PCSK5: variants seen among roughly 807,000 people sequenced by gnomAD.
The protein encoded by PCSK5 is proprotein convertase subtilisin/kexin type 5, also known as prohormone convertase 5.
Under a neutral mutation model 233.2 loss-of-function variants are expected in PCSK5, and 129 were observed. That is an observed-to-expected ratio of 0.55 (90% CI 0.48 to 0.64). The LOEUF (loss-of-function observed/expected upper bound fraction) is 0.64. Ranked by LOEUF, PCSK5 falls within the 30% of genes least tolerant of loss-of-function variation. The pLI, the probability that PCSK5 is intolerant of heterozygous loss-of-function variation, is 0.00. For synonymous variants in PCSK5, 825 were observed against 879.2 expected (o/e 0.94, Z 1.09); for missense variants, 2,076 against 2,430.1 (o/e 0.85, Z 3.06).
chr9:76,320,465 C>CTTCTTTTTTTTTTTTT (rs1554720984), intron 30 of PCSK5, among the ~76,000 whole-genome samples: 3 of 102,022 alleles, frequency 2.9e-5, no homozygotes, highest in African/African-American at 7.7e-5. Context: ...TACATTGTAG[C>CTTCTTTTTTTTTTTTT]TTTTTTTTTT....
At chr9:76,225,375 G>A (rs961669710) in intron 20 of PCSK5, among the ~76,000 whole-genome samples, 3 of 152,170 alleles carry the variant, frequency 2.0e-5, no homozygotes, top group South Asian at 2.1e-4. Flanking sequence ...TCTAGAATAC[G>A]ATTTTTGTGA....
At chr9:76,109,543 A>T (rs1832120326) in intron 9 of PCSK5, among the ~76,000 whole-genome samples, 2 of 149,280 alleles carry the variant, frequency 1.3e-5, no homozygotes, top group Non-Finnish European at 3.0e-5. Context: ...TGCATAACAC[A>T]TTGAAAGACT....
At chr9:75,967,054 A>T (rs1379807870) in intron 2 of PCSK5, among the ~76,000 whole-genome samples, 1 of 135,664 alleles carries the variant, frequency 7.4e-6, no homozygotes, top group African/African-American at 2.7e-5. Flanking sequence ...CTGCAAATAC[A>T]GGGTAACATT....
intron 23 of PCSK5, 30 bp from the exon 24 acceptor site, chr9:76,240,586 G>A (rs932110038): frequency 7.5e-6 from 11 of 1,464,212 alleles, no homozygotes; most frequent in Middle Eastern, 1.7e-4. Context: ...ATGGAAATGA[G>A]TTGTGTTTTT....
At chr9:75,896,923 A>G (rs1448354812) in intron 1 of PCSK5, among the ~76,000 whole-genome samples, 5 of 152,230 alleles carry the variant, frequency 3.3e-5, no homozygotes, top group Non-Finnish European at 5.9e-5. Context: ...GGAACAATCA[A>G]TACCAATAAA....
At chr9:75,941,370 T>C (rs967896070) in intron 2 of PCSK5, among the ~76,000 whole-genome samples, 2 of 152,212 alleles carry the variant, frequency 1.3e-5, no homozygotes, top group Non-Finnish European at 2.9e-5. Flanking sequence ...TTCGGGTACG[T>C]ACCTGAGGCT....
intron 36 of PCSK5, among the ~76,000 whole-genome samples, chr9:76,351,591 G>T (rs13295859): frequency 0.024 from 1,485 of 61,082 alleles, 452 homozygotes; most frequent in Non-Finnish European, 0.052. Context: ...GAAGGAGAGA[G>T]AGAAAGAAAG....
intron 24 of PCSK5, among the ~76,000 whole-genome samples, chr9:76,240,965 A>G (rs914999309): frequency 1.1e-4 from 17 of 152,354 alleles, no homozygotes; most frequent in African/African-American, 3.8e-4. Context: ...GTTGGGGCTT[A>G]CTGACCAGCA....
intron 2 of PCSK5, among the ~76,000 whole-genome samples, chr9:75,963,415 C>T (rs984686673): frequency 3.9e-5 from 6 of 152,166 alleles, no homozygotes; most frequent in African/African-American, 1.2e-4. Context: ...AATTATAGAG[C>T]GGCATCTTCA....
chr9:76,329,397 C>T (rs1045474087), intron 33 of PCSK5, among the ~76,000 whole-genome samples: 1 of 151,904 alleles, frequency 6.6e-6, no homozygotes, highest in African/African-American at 2.4e-5. Flanking sequence ...TGGGCTCTAG[C>T]TATTCTCCTG....
chr9:76,183,967 C>A (rs1823986766), intron 16 of PCSK5, among the ~76,000 whole-genome samples: 1 of 152,126 alleles, frequency 6.6e-6, no homozygotes, highest in South Asian at 2.1e-4. Context: ...CAACTTTTTT[C>A]AATATGGACC....
chr9:75,931,437 A>G (rs1037485430), intron 1 of PCSK5, among the ~76,000 whole-genome samples: 1 of 152,186 alleles, frequency 6.6e-6, no homozygotes, highest in Non-Finnish European at 1.5e-5. Context: ...GGTCTTGGAA[A>G]TTAACTAGCC....
Position 76,297,941 on chromosome 9 carries a change from C to A in PCSK5, c.3523+1076C>A, listed in dbSNP as rs558959434. ...CGTGGAAAGCCCAGCAGCCAAAGGC[C>A]ACGGAGAACACGGGCCCTATTTCAG... is the stretch of plus-strand genomic sequence containing the variant. On this transcript the variant is annotated intron_variant, in intron 27 of 37. Transcript: ENST00000674117. 4.9e-3 allele frequency among the ~76,000 whole-genome samples: 743 copies of A among 152,180 alleles called. 2 individuals carry two copies. Among genetic ancestry groups the A allele is most frequent in the Non-Finnish European group, 7.5e-3 (512 of 67,996 alleles).
At chr9:76,054,811 TACTC>T (rs1474282296) in intron 5 of PCSK5, among the ~76,000 whole-genome samples, 2 of 152,162 alleles carry the variant, frequency 1.3e-5, no homozygotes, top group African/African-American at 4.8e-5. Context: ...TTACAGGCCT[TACTC>T]AGATTTCACT....
At chr9:76,047,075 A>G (rs887159519) in intron 5 of PCSK5, among the ~76,000 whole-genome samples, 3 of 151,564 alleles carry the variant, frequency 2.0e-5, no homozygotes, top group East Asian at 3.9e-4. Flanking sequence ...TGAGATCCTT[A>G]TTTGCATGGA....
At chr9:75,912,128 G>T (rs1822768317) in intron 1 of PCSK5, among the ~76,000 whole-genome samples, 1 of 151,844 alleles carries the variant, frequency 6.6e-6, no homozygotes, top group Non-Finnish European at 1.5e-5. Flanking sequence ...CAGGGAAGAG[G>T]GGAACAGAGA....
chr9:76,213,343 C>T (rs1825400914), intron 20 of PCSK5, among the ~76,000 whole-genome samples: 1 of 152,176 alleles, frequency 6.6e-6, no homozygotes, highest in Non-Finnish European at 1.5e-5. Context: ...TTTCGGTATT[C>T]ATTCAAACAC....
chr9:76,238,670 G>A (rs1339962634), intron 22 of PCSK5, among the ~76,000 whole-genome samples: 2 of 152,192 alleles, frequency 1.3e-5, no homozygotes, highest in Non-Finnish European at 2.9e-5. Flanking sequence ...TAAACACAAT[G>A]TGAATTGTAG....
intron 30 of PCSK5, among the ~76,000 whole-genome samples, chr9:76,320,136 CTT>C (rs1324700578): frequency 2.0e-5 from 3 of 152,114 alleles, no homozygotes; most frequent in African/African-American, 7.2e-5. Flanking sequence ...CTCTTTATCT[CTT>C]TGTCTTGTGT....
Sources: gnomAD v4.1 joint callset for allele counts (sites outside exome capture counted in the v4.1 genomes callset) on GRCh38, gnomAD v4.1.1 for gene constraint, MANE v1.5 for transcripts, NCBI Gene and HGNC (gene_info 2026-07-23, HGNC 2026-07-21) for gene names.